Variants in SHISA6 observed in about 807,000 individuals in gnomAD.
SHISA6 encodes the protein shisa family member 6, also known as protein shisa-6.
A neutral mutation model predicts 47.9 loss-of-function variants in SHISA6; 22 were observed. The observed-to-expected ratio is 0.46, with a 90% confidence interval of 0.33 to 0.66. The LOEUF (loss-of-function observed/expected upper bound fraction) is 0.66. SHISA6 is among the 30% of genes least tolerant of loss of function. SHISA6 has a pLI of 0.02. For synonymous variants in SHISA6, 388 were observed against 337.8 expected (o/e 1.15, Z -1.63); for missense variants, 680 against 764.6 (o/e 0.89, Z 1.30).
intron 3 of SHISA6, among the ~76,000 whole-genome samples, chr17:11,382,275 C>G (rs1223825395): frequency 1.3e-5 from 2 of 152,094 alleles, no homozygotes; most frequent in Non-Finnish European, 1.5e-5. Flanking sequence ...AACAGGGTCT[C>G]ACTATGTTGC....
rs2071468831 is a variant in SHISA6 at position 11,503,070 on chromosome 17, C to G, written c.896-48826C>G. ...CAGAAAAAGATGCTAGTAAAACTCA[C>G]CTGAATTTCCCTCTGTAAGAGCTGC... On this transcript the variant is annotated intron_variant, in intron 3 of 5. Transcript: ENST00000441885. Among the ~76,000 whole-genome samples the G allele has an allele frequency of 2.0e-5, 3 of 152,142 alleles. No homozygotes were observed. The South Asian group carries it at 6.2e-4, about 32-fold the overall frequency.
chr17:11,438,551 T>G (rs1915005585), intron 3 of SHISA6, among the ~76,000 whole-genome samples: 1 of 151,990 alleles, frequency 6.6e-6, no homozygotes, highest in Admixed American at 6.6e-5. Flanking sequence ...GGGAGGCAGA[T>G]AGAGAGAGAG....
At chr17:11,404,365 A>AG (rs1489113953) in intron 3 of SHISA6, among the ~76,000 whole-genome samples, 2 of 152,112 alleles carry the variant, frequency 1.3e-5, no homozygotes, top group Non-Finnish European at 2.9e-5. Context: ...GACTGGAGTG[A>AG]GGGGGGAGAC....
chr17:11,260,406 C>T (rs772763534), intron 1 of SHISA6, among the ~76,000 whole-genome samples: 17 of 152,180 alleles, frequency 1.1e-4, no homozygotes, highest in Non-Finnish European at 1.8e-4. Flanking sequence ...ACACATCTGT[C>T]GTCCACATGG....
intron 1 of SHISA6, among the ~76,000 whole-genome samples, chr17:11,252,167 C>T (rs937476070): frequency 5.3e-5 from 8 of 152,304 alleles, no homozygotes; most frequent in Admixed American, 1.3e-4. Flanking sequence ...GACCCACGGA[C>T]GCAGGAGCCC....
At chr17:11,537,627 G>A (rs918130673) in intron 3 of SHISA6, among the ~76,000 whole-genome samples, 5 of 152,152 alleles carry the variant, frequency 3.3e-5, no homozygotes, top group East Asian at 3.9e-4. Context: ...TGGGCCTTAG[G>A]AAGAAGAGAA....
At chr17:11,341,324 CTCTCTTT>C (rs1216189836) in intron 2 of SHISA6, among the ~76,000 whole-genome samples, 2 of 139,984 alleles carry the variant, frequency 1.4e-5, no homozygotes, top group Non-Finnish European at 3.1e-5. Flanking sequence ...CTTTCTCTCT[CTCTCTTT>C]TTTTTTTTTT....
At chr17:11,402,957 C>G (rs372486949) in intron 3 of SHISA6, among the ~76,000 whole-genome samples, 61 of 152,276 alleles carry the variant, frequency 4.0e-4, no homozygotes, top group Non-Finnish European at 6.9e-4. Context: ...CTTCGTGGAA[C>G]CTTCTGCAAT....
intron 2 of SHISA6, among the ~76,000 whole-genome samples, chr17:11,374,394 G>A (rs1912723914): frequency 6.6e-6 from 1 of 151,648 alleles, no homozygotes; most frequent in Non-Finnish European, 1.5e-5. Context: ...CTTGAGTCTT[G>A]TTTAAAAATT....
At chr17:11,263,065 C>A (rs1011932292) in intron 1 of SHISA6, among the ~76,000 whole-genome samples, 17 of 152,264 alleles carry the variant, frequency 1.1e-4, no homozygotes, top group South Asian at 2.1e-4. Flanking sequence ...ACCTGCCTGG[C>A]ATAGGTGGAT....
chr17:11,327,758 C>T (rs1225331301), intron 2 of SHISA6, among the ~76,000 whole-genome samples: 1 of 152,202 alleles, frequency 6.6e-6, no homozygotes, highest in Non-Finnish European at 1.5e-5. Context: ...GACCGTGCCG[C>T]TGCACTCCAG....
chr17:11,555,465 A>G (rs1045130840), intron 4 of SHISA6, among the ~76,000 whole-genome samples: 11 of 151,942 alleles, frequency 7.2e-5, no homozygotes, highest in Admixed American at 7.2e-4. Context: ...CCAGAGATGT[A>G]CTGAGAGAGA....
At chr17:11,543,530 T>G (rs2071851752) in intron 3 of SHISA6, among the ~76,000 whole-genome samples, 1 of 152,224 alleles carries the variant, frequency 6.6e-6, no homozygotes, top group African/African-American at 2.4e-5. Context: ...ATGTCAGTTC[T>G]CTTTAAAATA....
At chr17:11,335,144 C>T (rs1911275211) in intron 2 of SHISA6, among the ~76,000 whole-genome samples, 1 of 152,196 alleles carries the variant, frequency 6.6e-6, no homozygotes, top group African/African-American at 2.4e-5. Flanking sequence ...GAATACAGAG[C>T]TTTCTCCTGT....
intron 2 of SHISA6, among the ~76,000 whole-genome samples, chr17:11,280,469 G>A (rs9893055): frequency 0.77 from 116,725 of 152,176 alleles, 45,390 homozygotes; most frequent in Non-Finnish European, 0.84. Flanking sequence ...ACAACAGGTA[G>A]ACTAGCATGA....
intron 3 of SHISA6, among the ~76,000 whole-genome samples, chr17:11,517,761 C>T (rs946909244): frequency 6.6e-6 from 1 of 152,108 alleles, no homozygotes; most frequent in Non-Finnish European, 1.5e-5. Flanking sequence ...ACCTCAGCCT[C>T]CCAAAGTACT....
intron 3 of SHISA6, among the ~76,000 whole-genome samples, chr17:11,486,748 C>A (rs1334542834): frequency 1.3e-5 from 2 of 152,220 alleles, no homozygotes; most frequent in African/African-American, 4.8e-5. Flanking sequence ...TCTCAAGGAG[C>A]CATTTCATCC....
intron 3 of SHISA6, among the ~76,000 whole-genome samples, chr17:11,435,223 T>C (rs1443045091): frequency 6.6e-6 from 1 of 152,004 alleles, no homozygotes; most frequent in Non-Finnish European, 1.5e-5. Flanking sequence ...AATATCACAT[T>C]ATATTTAACT....
chr17:11,487,295 G>A (rs569933661), intron 3 of SHISA6, among the ~76,000 whole-genome samples: 2 of 152,192 alleles, frequency 1.3e-5, no homozygotes, highest in African/African-American at 4.8e-5. Flanking sequence ...CCTGCATCAG[G>A]CATCCAGGGG....
Sources: allele counts gnomAD v4.1 joint callset (sites outside exome capture counted in the v4.1 genomes callset), GRCh38; gene constraint gnomAD v4.1.1; transcripts MANE v1.5; gene names NCBI Gene and HGNC (gene_info 2026-07-23, HGNC 2026-07-21).